The following ASH1L variants were observed in gnomAD, a reference collection of about 807,000 sequenced individuals.
ASH1L encodes the protein histone-lysine N-methyltransferase ASH1L.
In ASH1L, 23 loss-of-function variants were observed where a neutral mutation model predicts 269.0. That is an observed-to-expected ratio of 0.09 (90% CI 0.06 to 0.12). The LOEUF (loss-of-function observed/expected upper bound fraction) is 0.12. Ranked by LOEUF, ASH1L falls within the 10% of genes least tolerant of loss-of-function variation. ASH1L has a pLI of 1.00. For synonymous variants in ASH1L, 1,187 were observed against 1,253.5 expected (o/e 0.95, Z 1.12); for missense variants, 2,912 against 3,567.8 (o/e 0.82, Z 4.68).
At chr1:155,453,942 A>G (rs1490266965) in intron 4 of ASH1L, among the ~76,000 whole-genome samples, 1 of 152,124 alleles carries the variant, frequency 6.6e-6, no homozygotes, top group Non-Finnish European at 1.5e-5. Flanking sequence ...CTCTACTAAA[A>G]ATACAAAAAG....
chr1:155,562,251 G>A lies in ASH1L; in HGVS notation c.-198C>T, dbSNP rs772718735. ...GCTCCTCCGCTTCCCTGGGTCCACG[G>A]CGGATCCCTCCCGCTTGTCAGGAGG... On this transcript the variant is annotated 5_prime_UTR_variant, in exon 1 of 28. Coordinates refer to ENST00000392403, the MANE Select transcript of ASH1L (RefSeq NM_018489.3). 27 of 1,610,288 alleles carry A rather than the reference G, an allele frequency of 1.7e-5. No individual in the cohort carries two copies. The African/African-American group carries it at 3.5e-4, about 21-fold the overall frequency.
chr1:155,522,936 C>G (rs1215108011), intron 1 of ASH1L, among the ~76,000 whole-genome samples: 1 of 152,124 alleles, frequency 6.6e-6, no homozygotes, highest in African/African-American at 2.4e-5. Context: ...GGTGATCCGC[C>G]TGCCTTAGCC....
In ASH1L at chr1:155,480,083, A is replaced by G; in HGVS notation, c.2787T>C (p.His929=). 3.7e-6 allele frequency: 6 copies of G among 1,614,114 alleles called. No homozygotes were observed. The highest frequency in any genetic ancestry group is 5.1e-6 in the Non-Finnish European group (6 of 1,180,016). Residue 929 remains histidine, a synonymous_variant, in exon 3 of 28, where the codon CAT becomes CAC. Coordinates refer to ENST00000392403, the MANE Select transcript of ASH1L (RefSeq NM_018489.3). ...TCTCAAAGAAATCACTGCTACTTCT[A>G]TGGTTGTCACTTTCAGATTCTAGCT... ...PSKLESESDN[H]RSSSDFFESE... is the part of the protein sequence containing the mutation.
At chr1:155,463,510 T>C (rs1001218034) in intron 3 of ASH1L, among the ~76,000 whole-genome samples, 1 of 152,296 alleles carries the variant, frequency 6.6e-6, no homozygotes, top group East Asian at 1.9e-4. Context: ...AATTTTTACA[T>C]AGGCAGGTGT....
chr1:155,469,371 T>C (rs1289439778), intron 3 of ASH1L, among the ~76,000 whole-genome samples: 1 of 151,944 alleles, frequency 6.6e-6, no homozygotes, highest in East Asian at 1.9e-4. Context: ...TTAGTAGAGA[T>C]GGGGTTTCGT....
At chr1:155,349,251 G>A in intron 19 of ASH1L, 76 bp downstream of exon 19, 1 of 1,517,818 alleles carries the variant, frequency 6.6e-7, no homozygotes, top group Non-Finnish European at 8.9e-7. Flanking sequence ...ATAGAGGAGG[G>A]TAAAAATCTT....
In ASH1L at chr1:155,352,756, C is replaced by A; in HGVS notation, c.7316G>T (p.Arg2439Leu). ...EENIEVARAA[R>L]LAQIFKEICD... The stretch of plus-strand genomic sequence containing the variant: ...AATTTCTTTGAAGATCTGGGCTAGG[C>A]GGGCTGCCCGAGCCACTTCAATATT... Residue 2439 changes from arginine (R) to leucine (L), a missense_variant, in exon 17 of 28, where the codon CGC becomes CTC. Coordinates refer to ENST00000392403, the MANE Select transcript of ASH1L (RefSeq NM_018489.3). 1 of 1,613,680 alleles carries A rather than the reference C, an allele frequency of 6.2e-7. No individual in the cohort carries two copies. The highest frequency in any genetic ancestry group is 8.5e-7 in the Non-Finnish European group (1 of 1,179,878).
intron 7 of ASH1L, among the ~76,000 whole-genome samples, chr1:155,387,944 T>C (rs1016804438): frequency 5.9e-5 from 9 of 152,196 alleles, no homozygotes; most frequent in South Asian, 2.1e-4. Context: ...TTAACTGTTA[T>C]TGGTGTATAG....
intron 1 of ASH1L, among the ~76,000 whole-genome samples, chr1:155,543,851 T>C (rs1444785382): frequency 1.3e-5 from 2 of 151,914 alleles, no homozygotes; most frequent in East Asian, 1.9e-4. Flanking sequence ...GAAGAATCAA[T>C]TGAGCCCGGG....
rs772542868 is a variant in ASH1L at position 155,478,124 on chromosome 1, A to T, written c.4746T>A (p.Ser1582Arg). 1.8e-5 allele frequency: 29 copies of T among 1,614,002 alleles called. No homozygotes were observed. The South Asian group carries it at 3.2e-4, about 18-fold the overall frequency. The part of the protein sequence containing the change: ...QTPLQIDCSE[S>R]SPSLSLGGFT... ...ATCCTCCAAGGGATAAGCTTGGAGAACTTTCTGAACAGTCAATCTGTAAAG... is the reference window on the plus strand; with the variant it reads ...ATCCTCCAAGGGATAAGCTTGGAGATCTTTCTGAACAGTCAATCTGTAAAG... The change falls in exon 3 of 28, where the codon AGT (serine) becomes AGA (arginine). Residue 1582 changes from serine to arginine, a missense_variant. By Grantham distance (110) the Ser-to-Arg change is moderately radical (BLOSUM62 -1). This residue lies in a region of ASH1L where 789 missense variants were observed against 897.6 expected (regional missense o/e 0.88). Transcript: ENST00000392403. This position sits in a 1 kb window ranked among gnomAD's most constrained non-coding sequence, Gnocchi z 4.6.
At chr1:155,450,819 T>G (rs566354229) in intron 4 of ASH1L, among the ~76,000 whole-genome samples, 2 of 152,088 alleles carry the variant, frequency 1.3e-5, no homozygotes, top group South Asian at 4.1e-4. Flanking sequence ...TATAAACAAA[T>G]AACAATAAAC....
rs763559927 is a variant in ASH1L at position 155,438,681 on chromosome 1, T to G, written c.5474A>C (p.His1825Pro). The G allele has an allele frequency of 4.7e-5, 76 of 1,614,024 alleles. No homozygotes were observed. The highest frequency in any genetic ancestry group is 4.2e-6 in the Non-Finnish European group (5 of 1,180,046). Residue 1825 changes from histidine to proline, a missense_variant, in exon 5 of 28, where the codon CAT becomes CCT. His to Pro is a moderately conservative substitution (Grantham distance 77). Transcript: ENST00000392403. ...TTTGGCTTTTAAGATTTTATTGACA[T>G]GGTCTAGGTTTTTCTTTGTGGCCAA... Reference protein sequence around the residue: ...KILATKKNLDHVNKILKAKKL... With the variant: ...KILATKKNLDPVNKILKAKKL...
intron 2 of ASH1L, among the ~76,000 whole-genome samples, chr1:155,498,863 G>A (rs1239693544): frequency 1.3e-5 from 2 of 149,960 alleles, no homozygotes; most frequent in East Asian, 1.9e-4. Context: ...AGAAAAGTAC[G>A]CTTCAGTTTG....
chr1:155,557,853 G>A (rs564043697), intron 1 of ASH1L, among the ~76,000 whole-genome samples: 2 of 152,218 alleles, frequency 1.3e-5, no homozygotes, highest in East Asian at 3.9e-4. Context: ...ACCTCTTGCG[G>A]CACCCAGGTT....
intron 1 of ASH1L, among the ~76,000 whole-genome samples, chr1:155,537,572 C>T (rs759139607): frequency 5.3e-5 from 8 of 152,212 alleles, no homozygotes; most frequent in Non-Finnish European, 1.0e-4. Flanking sequence ...ACAGGATATC[C>T]ATCTGCAAGA....
intron 2 of ASH1L, among the ~76,000 whole-genome samples, chr1:155,508,382 G>A (rs1428971916): frequency 1.3e-5 from 2 of 152,190 alleles, no homozygotes; most frequent in Non-Finnish European, 2.9e-5. Context: ...GCTCATGCCT[G>A]TAATCCTAGC....
At chr1:155,444,708 C>T (rs900477200) in intron 4 of ASH1L, among the ~76,000 whole-genome samples, 9 of 151,854 alleles carry the variant, frequency 5.9e-5, no homozygotes, top group Non-Finnish European at 8.8e-5. Flanking sequence ...CTCCACCTCC[C>T]GGGGTTCACG....
chr1:155,463,876 A>G (rs1664486076), intron 3 of ASH1L, among the ~76,000 whole-genome samples: 1 of 152,148 alleles, frequency 6.6e-6, no homozygotes, highest in East Asian at 1.9e-4. Context: ...AACATCAAGC[A>G]TTTACCTTAA....
intron 4 of ASH1L, among the ~76,000 whole-genome samples, chr1:155,452,876 G>T (rs1014562832): frequency 5.3e-5 from 8 of 152,068 alleles, no homozygotes; most frequent in Non-Finnish European, 1.2e-4. Context: ...TCTTTATGGG[G>T]GCCTTCATAA....
Sources: allele counts gnomAD v4.1 joint callset (sites outside exome capture counted in the v4.1 genomes callset), GRCh38; gene constraint gnomAD v4.1.1; regional missense constraint gnomAD v4.1.1; non-coding constraint Gnocchi (gnomAD v3.1); transcripts MANE v1.5; gene names NCBI Gene and HGNC (gene_info 2026-07-23, HGNC 2026-07-21).